ABTB3: variants seen among roughly 807,000 people sequenced by gnomAD.
ABTB3 encodes the protein ankyrin repeat- and BTB/POZ domain-containing protein 3.
the ABTB3 span, among the ~76,000 whole-genome samples, chr12:107,447,277 G>A: frequency 6.6e-6 from 1 of 152,094 alleles, no homozygotes; most frequent in African/African-American, 2.4e-5. Context: ...CAAGTAGCTG[G>A]GATTACAGGC....
chr12:107,529,253 G>C, the ABTB3 span, among the ~76,000 whole-genome samples: 1 of 151,434 alleles, frequency 6.6e-6, no homozygotes, highest in Non-Finnish European at 1.5e-5. Flanking sequence ...AGATGATGAT[G>C]GTGGTCATGT....
chr12:107,629,234 TAGTG>T, the ABTB3 span, among the ~76,000 whole-genome samples: 1 of 147,822 alleles, frequency 6.8e-6, no homozygotes, highest in African/African-American at 2.5e-5. Context: ...CTGGACAACA[TAGTG>T]AGACCTCATC....
chr12:107,331,054 G>A, the ABTB3 span, among the ~76,000 whole-genome samples: 30 of 152,316 alleles, frequency 2.0e-4, no homozygotes, highest in South Asian at 5.6e-3. Flanking sequence ...TTTTCTCTGG[G>A]TGGTATGTGT....
chr12:107,470,940 A>G, the ABTB3 span, among the ~76,000 whole-genome samples: 1 of 152,180 alleles, frequency 6.6e-6, no homozygotes, highest in Admixed American at 6.5e-5. Context: ...TGAGATGTGG[A>G]CGTCTTATTC....
chr12:107,408,190 G>C, the ABTB3 span, among the ~76,000 whole-genome samples: 1 of 152,090 alleles, frequency 6.6e-6, no homozygotes. Context: ...TTCTGAGAAA[G>C]GTAATTTAAC....
chr12:107,385,230 A>G, the ABTB3 span, among the ~76,000 whole-genome samples: 1 of 152,230 alleles, frequency 6.6e-6, no homozygotes, highest in Non-Finnish European at 1.5e-5. Context: ...AGACACGAAC[A>G]GGCTCTGTCC....
At chr12:107,581,652 C>A in the ABTB3 span, among the ~76,000 whole-genome samples, 10 of 152,194 alleles carry the variant, frequency 6.6e-5, no homozygotes, top group Admixed American at 1.3e-4. Flanking sequence ...TTAACCAAAC[C>A]TTACAGAGTG....
chr12:107,620,569 T>G, the ABTB3 span, among the ~76,000 whole-genome samples: 3 of 151,868 alleles, frequency 2.0e-5, no homozygotes, highest in Admixed American at 2.0e-4. Context: ...TGAGGTGCTG[T>G]GACTAGACCA....
At chr12:107,599,365 T>C in the ABTB3 span, among the ~76,000 whole-genome samples, 1 of 152,198 alleles carries the variant, frequency 6.6e-6, no homozygotes, top group Non-Finnish European at 1.5e-5. Context: ...TAGCCACAGA[T>C]GGGATAGTTT....
chr12:107,587,226 G>T, the ABTB3 span, among the ~76,000 whole-genome samples: 1 of 152,224 alleles, frequency 6.6e-6, no homozygotes, highest in East Asian at 1.9e-4. Context: ...TATCCTGCAG[G>T]GGGTAGGAGC....
chr12:107,576,014 C>T, the ABTB3 span, among the ~76,000 whole-genome samples: 25 of 152,280 alleles, frequency 1.6e-4, no homozygotes, highest in East Asian at 4.6e-3. Context: ...AATCCAGTTC[C>T]AATCAGTCTC....
chr12:107,487,417 G>A, the ABTB3 span, among the ~76,000 whole-genome samples: 2 of 152,138 alleles, frequency 1.3e-5, no homozygotes, highest in African/African-American at 4.8e-5. Flanking sequence ...TGAGACACAA[G>A]GTCTCTGTCT....
chr12:107,451,575 A>G, the ABTB3 span, among the ~76,000 whole-genome samples: 1 of 152,190 alleles, frequency 6.6e-6, no homozygotes, highest in East Asian at 1.9e-4. Flanking sequence ...ACCTCGCGGT[A>G]AAGTCTGAGC....
At chr12:107,349,937 G>C in the ABTB3 span, among the ~76,000 whole-genome samples, 1 of 152,172 alleles carries the variant, frequency 6.6e-6, no homozygotes, top group Non-Finnish European at 1.5e-5. Flanking sequence ...TAAGAATCCA[G>C]ACCCATGCTT....
At chr12:107,513,637 A>C in the ABTB3 span, among the ~76,000 whole-genome samples, 2 of 152,192 alleles carry the variant, frequency 1.3e-5, no homozygotes, top group Non-Finnish European at 2.9e-5. Flanking sequence ...TCCTCATAGC[A>C]GTGTGAAAAT....
At chr12:107,402,986 G>T in the ABTB3 span, among the ~76,000 whole-genome samples, 1 of 152,176 alleles carries the variant, frequency 6.6e-6, no homozygotes, top group African/African-American at 2.4e-5. Flanking sequence ...GTAGTCACCA[G>T]CCACAACATG....
At chr12:107,571,652 G>A in the ABTB3 span, among the ~76,000 whole-genome samples, 8 of 152,368 alleles carry the variant, frequency 5.3e-5, no homozygotes, top group African/African-American at 1.9e-4. Flanking sequence ...CTCACACAGA[G>A]TCTGTGGCTT....
the ABTB3 span, chr12:107,520,472 C>T: frequency 5.2e-5 from 84 of 1,611,710 alleles, 1 homozygote; most frequent in Admixed American, 6.2e-4. Context: ...TTCTCTGTCT[C>T]CCTTCTGACT....
At chr12:107,609,760 T>C in the ABTB3 span, among the ~76,000 whole-genome samples, 1 of 152,198 alleles carries the variant, frequency 6.6e-6, no homozygotes, top group African/African-American at 2.4e-5. Context: ...ACCACCTGGG[T>C]TCAAATCCTA....
Sources: allele counts gnomAD v4.1 joint callset (sites outside exome capture counted in the v4.1 genomes callset), GRCh38; gene constraint gnomAD v4.1.1; transcripts MANE v1.5; gene names NCBI Gene and HGNC (gene_info 2026-07-23, HGNC 2026-07-21).